ITIH5: variants seen among roughly 807,000 people sequenced by gnomAD.
ITIH5 encodes inter-alpha-trypsin inhibitor heavy chain H5.
Under a neutral mutation model 77.5 loss-of-function variants are expected in ITIH5, and 65 were observed. That is an observed-to-expected ratio of 0.84 (90% CI 0.69 to 1.03). The LOEUF (loss-of-function observed/expected upper bound fraction) is 1.03. Ranked by LOEUF, ITIH5 falls within the 50% of genes least tolerant of loss-of-function variation. The pLI is 0.00. For synonymous variants in ITIH5, 525 were observed against 494.3 expected, an observed-to-expected ratio of 1.06 and a Z score of -0.82; for missense variants, 1,208 against 1,213.1, an observed-to-expected ratio of 1.00 and a Z score of 0.06.
intron 2 of ITIH5, among the ~76,000 whole-genome samples, chr10:7,650,791 G>A (rs1242445664): frequency 6.6e-6 from 1 of 151,722 alleles, no homozygotes; most frequent in South Asian, 2.1e-4. Flanking sequence ...GGAGAAAAAG[G>A]CACTTCCCCA....
At chr10:7,651,486 T>TA (rs1249003834) in intron 2 of ITIH5, among the ~76,000 whole-genome samples, 3 of 152,030 alleles carry the variant, frequency 2.0e-5, no homozygotes, top group Admixed American at 2.0e-4. Context: ...GGGAGGCCTC[T>TA]AATCCCAGGT....
chr10:7,569,900 T>C, intron 11 of ITIH5, 116 bp from the exon 12 acceptor site: 1 of 599,254 alleles, frequency 1.7e-6, no homozygotes, highest in Non-Finnish European at 2.7e-6. Context: ...TGAAAACTAT[T>C]CTGGAAGGAG....
intron 9 of ITIH5, among the ~76,000 whole-genome samples, chr10:7,577,834 A>G (rs892345581): frequency 6.6e-6 from 1 of 152,172 alleles, no homozygotes; most frequent in African/African-American, 2.4e-5. Context: ...GGATGTAAAC[A>G]GTACTTCTTT....
chr10:7,572,217 C>T (rs1055271819), intron 11 of ITIH5: 54 of 1,251,800 alleles, frequency 4.3e-5, no homozygotes, highest in Non-Finnish European at 5.2e-5. Flanking sequence ...GGAACTTGCA[C>T]GTACAGCACA....
intron 5 of ITIH5, among the ~76,000 whole-genome samples, chr10:7,632,309 G>A (rs1321715312): frequency 1.3e-5 from 2 of 152,204 alleles, no homozygotes; most frequent in African/African-American, 2.4e-5. Context: ...GCAACAGGAT[G>A]TGACTGCAAA....
At chr10:7,576,424 C>A in intron 10 of ITIH5, 29 bp downstream of exon 10, 1 of 1,512,422 alleles carries the variant, frequency 6.6e-7, no homozygotes. Flanking sequence ...CCGCGTCCCC[C>A]ACACCTGGCT....
At chr10:7,611,238 G>T (rs2131025735) in intron 7 of ITIH5, among the ~76,000 whole-genome samples, 1 of 152,330 alleles carries the variant, frequency 6.6e-6, no homozygotes, top group East Asian at 1.9e-4. Context: ...CAGTAAAATG[G>T]GGATGACAAC....
intron 5 of ITIH5, among the ~76,000 whole-genome samples, chr10:7,628,420 C>T (rs1054595876): frequency 6.6e-6 from 1 of 152,212 alleles, no homozygotes. Context: ...ATAATGTTTT[C>T]GAGACTCCGT....
At position 7,569,752 on chromosome 10, in the gene ITIH5, G is replaced by A; in HGVS notation, c.2065C>T (p.Pro689Ser). 6.2e-7 allele frequency: 1 copy of A among 1,611,562 alleles called. No homozygotes were observed. The highest frequency in any genetic ancestry group is 8.5e-7 in the Non-Finnish European group (1 of 1,179,176). ...DGDPHFVVDF[P>S]LSRLTVCFNI... ...AAGCACACGGTGAGTCTGCTCAGGG[G>A]GAAATCCACAACAAAGTGGGGATCA... Residue 689 changes from proline to serine, a missense_variant, in exon 12 of 14, where the codon CCC becomes TCC. Pro to Ser is a moderately conservative substitution (Grantham distance 74, BLOSUM62 -1). Transcript: ENST00000397146.
chr10:7,628,909 A>C (rs1490311045), intron 5 of ITIH5, among the ~76,000 whole-genome samples: 1 of 98,676 alleles, frequency 1.0e-5, no homozygotes, highest in Non-Finnish European at 2.0e-5. Flanking sequence ...GCATGCATCC[A>C]TGTTATCATA....
At position 7,653,581 on chromosome 10, in the gene ITIH5, A is replaced by G. The variant is rs117399326; in HGVS notation, c.135+2050T>C. Among the ~76,000 whole-genome samples the G allele has an allele frequency of 8.4e-4, 128 of 152,348 alleles. 1 individual carries two copies. The East Asian group carries it at 0.02, about 23-fold the overall frequency. On this transcript the variant is annotated intron_variant, in intron 2 of 13. Coordinates refer to ENST00000397146, the MANE Select transcript of ITIH5 (RefSeq NM_030569.7). Reference sequence around the variant, plus strand: ...ATACCCACATAAAAGAAGAAATGAAAGTGTTTTTTGAAGGATTGTGTACAG... The same window carrying G: ...ATACCCACATAAAAGAAGAAATGAAGGTGTTTTTTGAAGGATTGTGTACAG...
At chr10:7,628,650 G>C in intron 5 of ITIH5, among the ~76,000 whole-genome samples, 1 of 144,482 alleles carries the variant, frequency 6.9e-6, no homozygotes, top group Non-Finnish European at 1.5e-5. Context: ...ATGTGTCCAT[G>C]TTGTCTGGGT....
intron 13 of ITIH5, among the ~76,000 whole-genome samples, chr10:7,565,744 C>A (rs1056444439): frequency 6.7e-6 from 1 of 148,270 alleles, no homozygotes; most frequent in African/African-American, 2.5e-5. Context: ...AGACTATATA[C>A]ACATATGCAG....
chr10:7,613,657 G>A (rs1236119379), intron 7 of ITIH5, among the ~76,000 whole-genome samples: 1 of 152,062 alleles, frequency 6.6e-6, no homozygotes, highest in Non-Finnish European at 1.5e-5. Flanking sequence ...GTAGCAGAAA[G>A]CAAACAAAAC....
rs574385182 is a variant in ITIH5 at position 7,623,620 on chromosome 10, G to A, written c.653-6338C>T. Among the ~76,000 whole-genome samples, 14 of 152,002 alleles carry A rather than the reference G, an allele frequency of 9.2e-5. No homozygotes were observed. The East Asian group carries it at 9.7e-4, about 11-fold the overall frequency. ...AGATCGAGACCATCCTGGATAACAC[G>A]GTGAAACCCCGTCTCTACTAAAAAT... On this transcript the variant is annotated intron_variant, in intron 5 of 13. Transcript: ENST00000397146.
rs549656301 is a variant in ITIH5, at chr10:7,560,703, T to C, written c.*2380A>G. 6.6e-6 allele frequency: 1 copy of C among 152,352 alleles called. No homozygotes were observed. Among genetic ancestry groups the C allele is most frequent in the South Asian group, 2.1e-4 (1 of 4,830 alleles). 9.4% of individuals were successfully genotyped at this position (152,352 alleles called of 1,614,324 possible). A position where few individuals can be genotyped will look rare whatever the true frequency, so the allele number is the denominator to read the frequency against. On this transcript the variant is annotated 3_prime_UTR_variant, in exon 14 of 14. Coordinates refer to ENST00000397146, the MANE Select transcript of ITIH5 (RefSeq NM_030569.7). ...TAACTATTGTGATAACAAGGAGATT[T>C]ATCTCCTCTAATTATGACATATTTC...
At chr10:7,568,215 T>C (rs1832226443) in intron 12 of ITIH5, among the ~76,000 whole-genome samples, 1 of 152,336 alleles carries the variant, frequency 6.6e-6, no homozygotes, top group East Asian at 1.9e-4. Flanking sequence ...AAAAGATTGC[T>C]ATATAATTAA....
chr10:7,662,408 C>G (rs1834291852), intron 1 of ITIH5, among the ~76,000 whole-genome samples: 1 of 151,990 alleles, frequency 6.6e-6, no homozygotes, highest in South Asian at 2.1e-4. Context: ...AATCAGGGAA[C>G]TGGATGTTTC....
intron 7 of ITIH5, among the ~76,000 whole-genome samples, chr10:7,604,030 G>C (rs924819267): frequency 6.6e-6 from 1 of 152,162 alleles, no homozygotes. Context: ...TTGGTGCCAC[G>C]GCCCTGCAGG....
Sources: allele counts gnomAD v4.1 joint callset (sites outside exome capture counted in the v4.1 genomes callset), GRCh38; gene constraint gnomAD v4.1.1; transcripts MANE v1.5; gene names NCBI Gene and HGNC (gene_info 2026-07-23, HGNC 2026-07-21).